MTUS2: variants seen among roughly 807,000 people sequenced by gnomAD.
The protein encoded by MTUS2 is microtubule associated scaffold protein 2.
In MTUS2, 40 loss-of-function variants were observed where a neutral mutation model predicts 114.1. That is an observed-to-expected ratio of 0.35 (90% CI 0.27 to 0.46). MTUS2 has a LOEUF of 0.46. Among genes scored for constraint, MTUS2 ranks in the 20% least tolerant of loss-of-function variants. MTUS2 has a pLI of 1.00. For synonymous variants in MTUS2, 688 were observed against 672.0 expected (o/e 1.02, Z -0.37); for missense variants, 1,679 against 1,705.4 (o/e 0.98, Z 0.27).
intron 5 of MTUS2, among the ~76,000 whole-genome samples, chr13:29,185,683 A>C (rs567757783): frequency 1.7e-4 from 26 of 152,348 alleles, no homozygotes; most frequent in Admixed American, 1.7e-3. Flanking sequence ...TTCTATATCC[A>C]GCAAAGCCAT....
upstream of MTUS2, chr13:28,820,309 A>C (rs1873796061): frequency 6.8e-6 from 1 of 147,954 alleles, no homozygotes; most frequent in Non-Finnish European, 1.5e-5. Context: ...CGCGGAGCGG[A>C]GCGCAGCCGC....
At chr13:28,837,787 C>T (rs950713369) in intron 1 of MTUS2, among the ~76,000 whole-genome samples, 2 of 151,998 alleles carry the variant, frequency 1.3e-5, no homozygotes, top group African/African-American at 2.4e-5. Flanking sequence ...ACAATTAGTA[C>T]TATCACTGCC....
intron 8 of MTUS2, among the ~76,000 whole-genome samples, chr13:29,362,618 C>G (rs4485206): frequency 3.9e-5 from 6 of 151,940 alleles, no homozygotes; most frequent in Admixed American, 3.9e-4. Flanking sequence ...ACCCAGGAGA[C>G]GGAGGTTGCA....
chr13:28,924,216 C>T (rs895276807), intron 2 of MTUS2, among the ~76,000 whole-genome samples: 4 of 152,162 alleles, frequency 2.6e-5, no homozygotes, highest in African/African-American at 7.2e-5. Context: ...CCTGACTATT[C>T]CACCATTCTC....
intron 8 of MTUS2, among the ~76,000 whole-genome samples, chr13:29,362,128 A>G (rs558380582): frequency 2.2e-4 from 34 of 152,316 alleles, no homozygotes; most frequent in Admixed American, 1.8e-3. Context: ...TCACAAAGTC[A>G]TTGTGAGAAT....
intron 7 of MTUS2, among the ~76,000 whole-genome samples, chr13:29,355,401 G>T (rs866041747): frequency 1.3e-5 from 2 of 152,224 alleles, no homozygotes; most frequent in African/African-American, 4.8e-5. Flanking sequence ...TATGATTGGG[G>T]TAACATTTAG....
intron 5 of MTUS2, among the ~76,000 whole-genome samples, chr13:29,193,449 A>G (rs1894532084): frequency 6.6e-6 from 1 of 152,158 alleles, no homozygotes; most frequent in Admixed American, 6.5e-5. Context: ...CTTATACACC[A>G]ATAACAGACA....
rs180865577 is a variant in MTUS2, at chr13:29,089,167, G to A, written c.2447-11606G>A. On this transcript the variant is annotated intron_variant, in intron 4 of 15. Coordinates refer to ENST00000612955, the MANE Select transcript of MTUS2 (RefSeq NM_001033602.4). ...GATCTGGTGGTAACAATTTTCCCTA[G>A]AATTTGCTTGTCTGAAAAGGATTTT... Among the ~76,000 whole-genome samples the A allele has an allele frequency of 2.0e-3, 311 of 152,244 alleles. 2 individuals are homozygous for A. The highest frequency in any genetic ancestry group is 7.0e-3 in the African/African-American group (289 of 41,538).
chr13:29,258,374 T>C (rs1374608552), intron 5 of MTUS2, among the ~76,000 whole-genome samples: 1 of 152,160 alleles, frequency 6.6e-6, no homozygotes, highest in Non-Finnish European at 1.5e-5. Flanking sequence ...TCTCTTCTGC[T>C]TCCAGGAGGA....
At chr13:29,441,782 T>C (rs918258568) in intron 9 of MTUS2, among the ~76,000 whole-genome samples, 6 of 152,144 alleles carry the variant, frequency 3.9e-5, no homozygotes, top group Non-Finnish European at 8.8e-5. Flanking sequence ...TGTACATGTG[T>C]GCACACACAC....
At chr13:28,960,494 C>T (rs1304563063) in intron 2 of MTUS2, among the ~76,000 whole-genome samples, 4 of 152,078 alleles carry the variant, frequency 2.6e-5, no homozygotes, top group Non-Finnish European at 4.4e-5. Flanking sequence ...CACAATATAT[C>T]CTCATACAAT....
chr13:29,355,028 A>G (rs974326160), intron 7 of MTUS2, among the ~76,000 whole-genome samples: 1 of 152,164 alleles, frequency 6.6e-6, no homozygotes, highest in Admixed American at 6.5e-5. Flanking sequence ...GCCATCTCTG[A>G]TGTTATAAAT....
At chr13:29,044,830 T>C (rs988147912) in intron 4 of MTUS2, among the ~76,000 whole-genome samples, 2 of 152,230 alleles carry the variant, frequency 1.3e-5, no homozygotes, top group Non-Finnish European at 2.9e-5. Flanking sequence ...AGTTCTTGAC[T>C]GGAGGCTCTG....
intron 8 of MTUS2, 143 bp downstream of exon 8, chr13:29,359,616 T>G: frequency 1.1e-6 from 1 of 873,694 alleles, no homozygotes. Context: ...TCAGGCAGAA[T>G]CTCCTGAGGC....
intron 5 of MTUS2, among the ~76,000 whole-genome samples, chr13:29,212,277 A>C (rs1895473516): frequency 6.6e-6 from 1 of 152,114 alleles, no homozygotes; most frequent in South Asian, 2.1e-4. Context: ...ATTGATCTCT[A>C]ATTTGTAATT....
At chr13:28,849,485 C>G (rs538516860) in intron 2 of MTUS2, among the ~76,000 whole-genome samples, 1 of 152,326 alleles carries the variant, frequency 6.6e-6, no homozygotes, top group African/African-American at 2.4e-5. Context: ...AAACTCAACA[C>G]AAACCTCTAA....
chr13:29,359,238 G>C (rs761038935), intron 7 of MTUS2, 24 bp from the exon 8 acceptor site: 17 of 1,566,858 alleles, frequency 1.1e-5, no homozygotes, highest in Non-Finnish European at 1.5e-5. Context: ...ACAGGTGACC[G>C]GGGTTTGGTT....
rs191779251 is a variant in MTUS2, at chr13:29,255,252, T to C, written c.2645-26452T>C. Among the ~76,000 whole-genome samples the C allele has an allele frequency of 1.4e-4, 22 of 152,234 alleles. 1 individual carries two copies. Among genetic ancestry groups the C allele is most frequent in the Admixed American group, 1.4e-3 (22 of 15,302 alleles). ...AGACGGAAGGGTTCAGATAGAGGCA[T>C]GGTGTTATTTCTGAGATTAATCATG... On this transcript the variant is annotated intron_variant, in intron 5 of 15. Coordinates refer to ENST00000612955, the MANE Select transcript of MTUS2 (RefSeq NM_001033602.4).
At chr13:29,473,422 C>T (rs540041672) in intron 9 of MTUS2, among the ~76,000 whole-genome samples, 61 of 152,280 alleles carry the variant, frequency 4.0e-4, no homozygotes, top group Non-Finnish European at 6.8e-4. Context: ...GCTGAGTGTT[C>T]TCCTACTCAA....
Sources: allele counts gnomAD v4.1 joint callset (sites outside exome capture counted in the v4.1 genomes callset), GRCh38; gene constraint gnomAD v4.1.1; transcripts MANE v1.5; gene names NCBI Gene and HGNC (gene_info 2026-07-23, HGNC 2026-07-21).